The following RFX7 variants were observed in gnomAD, a reference collection of about 807,000 sequenced individuals.
RFX7 encodes the protein DNA-binding protein RFX7.
Under a neutral mutation model 111.8 loss-of-function variants are expected in RFX7, and 26 were observed. The ratio of observed to expected loss-of-function variants is 0.23; its 90% CI spans 0.17 to 0.32. The LOEUF is 0.32. Ranked by LOEUF, RFX7 falls within the 10% of genes least tolerant of loss-of-function variation. RFX7 has a pLI of 1.00. For missense variants in RFX7, 1,573 were observed against 1,772.9 expected (o/e 0.89, Z 2.02); for synonymous variants, 624 against 624.4 (o/e 1.00, Z 0.01).
chr15:56,155,587 G>A (rs2042641851), intron 3 of RFX7, among the ~76,000 whole-genome samples: 3 of 152,114 alleles, frequency 2.0e-5, no homozygotes, highest in African/African-American at 7.2e-5. Context: ...ACACAGGGAG[G>A]GGAACATCAC....
chr15:56,215,570 TA>T (rs1159251044), intron 2 of RFX7, among the ~76,000 whole-genome samples: 5 of 152,198 alleles, frequency 3.3e-5, no homozygotes, highest in Non-Finnish European at 5.9e-5. Context: ...TTACCATTTT[TA>T]TACACTTGTG....
At chr15:56,140,661 C>T (rs2042379413) in intron 5 of RFX7, among the ~76,000 whole-genome samples, 2 of 152,206 alleles carry the variant, frequency 1.3e-5, no homozygotes, top group African/African-American at 2.4e-5. Flanking sequence ...CTGTTGCTCT[C>T]TACTGAACTG....
chr15:56,235,163 CCT>C (rs1288095371), intron 2 of RFX7, among the ~76,000 whole-genome samples: 11 of 150,342 alleles, frequency 7.3e-5, no homozygotes, highest in African/African-American at 2.4e-4. Flanking sequence ...ACAGTAATCC[CCT>C]GTTCTCGTTT....
At chr15:56,221,513 G>C (rs1172803979) in intron 2 of RFX7, among the ~76,000 whole-genome samples, 1 of 151,962 alleles carries the variant, frequency 6.6e-6, no homozygotes, top group African/African-American at 2.4e-5. Flanking sequence ...CTTTTATCTA[G>C]TCTGAAAATC....
At chr15:56,161,787 A>G (rs1219615834) in intron 3 of RFX7, among the ~76,000 whole-genome samples, 1 of 152,136 alleles carries the variant, frequency 6.6e-6, no homozygotes, top group African/African-American at 2.4e-5. Context: ...AGACAAGGGC[A>G]TACTGCTAAA....
intron 2 of RFX7, among the ~76,000 whole-genome samples, chr15:56,184,724 A>C (rs1037374498): frequency 3.9e-5 from 6 of 152,176 alleles, no homozygotes; most frequent in Non-Finnish European, 8.8e-5. Flanking sequence ...TTCTGTGCTC[A>C]GTGGTTCAAA....
At chr15:56,163,968 C>T (rs753678188) in intron 3 of RFX7, among the ~76,000 whole-genome samples, 8 of 152,042 alleles carry the variant, frequency 5.3e-5, no homozygotes, top group Admixed American at 1.3e-4. Context: ...ACGCCAGGCA[C>T]GTAATGCACA....
Position 56,090,105 on chromosome 15 carries a change from A to G in RFX7, c.*3240T>C, listed in dbSNP as rs2041578034. The G allele has an allele frequency of 6.6e-6, 1 of 152,150 alleles. No homozygotes were observed. Among genetic ancestry groups the G allele is most frequent in the African/African-American group, 2.4e-5 (1 of 41,440 alleles). 9.4% of individuals were successfully genotyped at this position (152,150 alleles called of 1,614,324 possible). A position where few individuals can be genotyped will look rare whatever the true frequency, so the allele number is the denominator to read the frequency against. ...CCAGCTTCTGGCTTACAAATTCATT[A>G]CACTTATCAGTTTGTTATTTCTGGT... On this transcript the variant is annotated 3_prime_UTR_variant, in exon 10 of 10. Transcript: ENST00000559447.
intron 5 of RFX7, among the ~76,000 whole-genome samples, chr15:56,130,953 C>A (rs2042204069): frequency 6.6e-6 from 1 of 152,014 alleles, no homozygotes; most frequent in Non-Finnish European, 1.5e-5. Flanking sequence ...AGGCTCCAGG[C>A]CTAGATGGTT....
At chr15:56,236,180 T>C (rs1421408178) in intron 2 of RFX7, among the ~76,000 whole-genome samples, 1 of 152,220 alleles carries the variant, frequency 6.6e-6, no homozygotes, top group Non-Finnish European at 1.5e-5. Context: ...GTTTCTATTT[T>C]GTCTTATAAA....
At chr15:56,162,533 G>C (rs543653507) in intron 3 of RFX7, among the ~76,000 whole-genome samples, 40 of 152,008 alleles carry the variant, frequency 2.6e-4, no homozygotes, top group African/African-American at 9.6e-4. Flanking sequence ...TTGAAAGCTA[G>C]CTGACAATGG....
intron 5 of RFX7, among the ~76,000 whole-genome samples, chr15:56,138,409 T>G (rs2042337644): frequency 6.6e-6 from 1 of 150,568 alleles, no homozygotes; most frequent in Admixed American, 6.6e-5. Context: ...TGGTTTAAAG[T>G]CTGTTTTATC....
chr15:56,238,344 G>C (rs2043647484), intron 2 of RFX7, among the ~76,000 whole-genome samples: 1 of 152,078 alleles, frequency 6.6e-6, no homozygotes, highest in Non-Finnish European at 1.5e-5. Context: ...TGTTCAATTT[G>C]GGTTTTAACT....
At chr15:56,203,968 C>T (rs2043223014) in intron 2 of RFX7, among the ~76,000 whole-genome samples, 1 of 151,870 alleles carries the variant, frequency 6.6e-6, no homozygotes, top group African/African-American at 2.4e-5. Context: ...TGCATTTAAT[C>T]CAATAACCCT....
intron 5 of RFX7, among the ~76,000 whole-genome samples, chr15:56,122,066 T>C (rs370894457): frequency 2.6e-5 from 4 of 152,322 alleles, no homozygotes; most frequent in South Asian, 2.1e-4. Context: ...CTGAATGGTC[T>C]TGATGCTTGT....
At chr15:56,222,650 T>C (rs2043439496) in intron 2 of RFX7, among the ~76,000 whole-genome samples, 1 of 152,190 alleles carries the variant, frequency 6.6e-6, no homozygotes, top group South Asian at 2.1e-4. Context: ...TGTTCTAGGT[T>C]TTCCATTTGA....
intron 3 of RFX7, among the ~76,000 whole-genome samples, chr15:56,155,766 T>TA (rs1223982910): frequency 2.7e-5 from 4 of 150,846 alleles, no homozygotes; most frequent in Non-Finnish European, 4.4e-5. Context: ...AAAGTATATT[T>TA]AAAAAAATGT....
intron 2 of RFX7, among the ~76,000 whole-genome samples, chr15:56,211,002 C>T (rs761709650): frequency 7.9e-5 from 12 of 152,028 alleles, no homozygotes; most frequent in Non-Finnish European, 1.3e-4. Context: ...ATTACATGAA[C>T]AATTCTATGC....
intron 2 of RFX7, among the ~76,000 whole-genome samples, chr15:56,185,971 T>C (rs995812514): frequency 2.0e-5 from 3 of 152,214 alleles, no homozygotes; most frequent in Non-Finnish European, 1.5e-5. Context: ...CAGTTTCACA[T>C]TTGTCTCTGC....
Sources: gnomAD v4.1 joint callset for allele counts (sites outside exome capture counted in the v4.1 genomes callset) on GRCh38, gnomAD v4.1.1 for gene constraint, MANE v1.5 for transcripts, NCBI Gene and HGNC (gene_info 2026-07-23, HGNC 2026-07-21) for gene names.